ASTN2: variants seen among roughly 807,000 people sequenced by gnomAD.
The protein encoded by ASTN2 is astrotactin-2.
ASTN2 carries 54 observed loss-of-function variants against 139.8 expected under a neutral mutation model. The ratio of observed to expected loss-of-function variants is 0.39; its 90% CI spans 0.31 to 0.48. The LOEUF (loss-of-function observed/expected upper bound fraction) is 0.48. Among genes scored for constraint, ASTN2 ranks in the 20% least tolerant of loss-of-function variants. The probability of loss-of-function intolerance (pLI) is 0.95; values close to 1 mark genes in which losing one functional copy is unlikely to be tolerated. For missense variants in ASTN2, 1,565 were observed against 1,725.1 expected, an observed-to-expected ratio of 0.91 and a Z score of 1.64; for synonymous variants, 756 against 719.5, an observed-to-expected ratio of 1.05 and a Z score of -0.81.
intron 6 of ASTN2, among the ~76,000 whole-genome samples, chr9:117,014,419 A>G (rs568234140): frequency 6.6e-6 from 1 of 152,108 alleles, no homozygotes; most frequent in African/African-American, 2.4e-5. Context: ...GAGAGCAACC[A>G]CTCTGGAGGA....
At chr9:116,821,953 CAGAAGAGAAAATG>C (rs1172302784) in intron 11 of ASTN2, among the ~76,000 whole-genome samples, 1 of 152,082 alleles carries the variant, frequency 6.6e-6, no homozygotes, top group Non-Finnish European at 1.5e-5. Flanking sequence ...CTCCTGCTTT[CAGAAGAGAAAATG>C]AGGTACTGGG....
At chr9:116,573,847 C>T (rs906364323) in intron 19 of ASTN2, among the ~76,000 whole-genome samples, 2 of 152,178 alleles carry the variant, frequency 1.3e-5, no homozygotes, top group African/African-American at 4.8e-5. Context: ...TCCACTTTGC[C>T]AACTCCTGTG....
intron 19 of ASTN2, among the ~76,000 whole-genome samples, chr9:116,587,729 T>C (rs945440340): frequency 1.3e-5 from 2 of 152,276 alleles, no homozygotes; most frequent in Non-Finnish European, 2.9e-5. Context: ...TGAGCTTCTA[T>C]TGACATATCT....
At chr9:117,279,797 C>T (rs1834282409) in intron 2 of ASTN2, among the ~76,000 whole-genome samples, 1 of 152,180 alleles carries the variant, frequency 6.6e-6, no homozygotes, top group African/African-American at 2.4e-5. Context: ...AGACCTTATA[C>T]AAGTTTCACA....
chr9:117,273,105 ATG>A (rs1374550487), intron 2 of ASTN2, among the ~76,000 whole-genome samples: 2 of 152,214 alleles, frequency 1.3e-5, no homozygotes, highest in African/African-American at 2.4e-5. Flanking sequence ...ATGGCTGGGG[ATG>A]TCTCTTAATC....
intron 20 of ASTN2, among the ~76,000 whole-genome samples, chr9:116,450,164 C>T (rs1199565838): frequency 6.6e-6 from 1 of 152,194 alleles, no homozygotes; most frequent in Non-Finnish European, 1.5e-5. Context: ...TGCCTATTTT[C>T]ATAAATAAAT....
At chr9:117,388,780 T>C (rs1358886894) in intron 1 of ASTN2, among the ~76,000 whole-genome samples, 1 of 152,088 alleles carries the variant, frequency 6.6e-6, no homozygotes, top group African/African-American at 2.4e-5. Flanking sequence ...TTCTGCCTTG[T>C]CTTCCCAGCC....
intron 7 of ASTN2, among the ~76,000 whole-genome samples, chr9:117,003,980 TG>T (rs1189726939): frequency 1.4e-5 from 2 of 144,862 alleles, no homozygotes; most frequent in Non-Finnish European, 3.0e-5. Flanking sequence ...GTGTGTGTTT[TG>T]CGTGTTGGGG....
In ASTN2 at chr9:116,967,606, G is replaced by A. The variant is rs144736372; in HGVS notation, c.1889+7602C>T. The stretch of plus-strand genomic sequence containing the variant: ...GTGCACACATATGCACACATAACAC[G>A]CATGCACTCATTAATGAAAGCTTGT... On this transcript the variant is annotated intron_variant, in intron 10 of 22. Transcript: ENST00000313400. Among the ~76,000 whole-genome samples, 144 of 152,260 alleles carry A rather than the reference G, an allele frequency of 9.5e-4. 1 individual carries two copies. Among genetic ancestry groups the A allele is most frequent in the African/African-American group, 2.7e-3 (112 of 41,546 alleles).
chr9:116,545,163 A>G (rs1852039026), intron 19 of ASTN2, among the ~76,000 whole-genome samples: 1 of 152,186 alleles, frequency 6.6e-6, no homozygotes, highest in Admixed American at 6.5e-5. Flanking sequence ...GGGATGCCAG[A>G]CTTGGCATGG....
intron 2 of ASTN2, among the ~76,000 whole-genome samples, chr9:117,258,290 C>A (rs191973410): frequency 6.6e-6 from 1 of 152,118 alleles, no homozygotes; most frequent in South Asian, 2.1e-4. Context: ...AGAGTCTCTG[C>A]GGGCATTAAT....
rs1833643991 is a variant in ASTN2, at chr9:117,254,946, C to T, written c.630+36380G>A. On this transcript the variant is annotated intron_variant, in intron 2 of 22. Transcript: ENST00000313400. Reference sequence around the variant, plus strand: ...TTCAGGACTTATTAAATTGTTTCAACCCATCTTTCAAAAAGTACTGATATA... The same window carrying T: ...TTCAGGACTTATTAAATTGTTTCAATCCATCTTTCAAAAAGTACTGATATA... Among the ~76,000 whole-genome samples, 2 of 152,154 alleles carry T rather than the reference C, an allele frequency of 1.3e-5. 1 individual carries two copies. Among genetic ancestry groups the T allele is most frequent in the Admixed American group, 1.3e-4 (2 of 15,272 alleles).
intron 19 of ASTN2, chr9:116,582,875 T>A (rs7872204): frequency 0.21 from 31,791 of 152,180 alleles, 4,388 homozygotes; most frequent in African/African-American, 0.38. Flanking sequence ...CCTGTTTTCT[T>A]ATCCCTCTGA....
intron 19 of ASTN2, among the ~76,000 whole-genome samples, chr9:116,502,735 GAAT>G (rs1564323487): frequency 0.04 from 1,784 of 44,212 alleles, 102 homozygotes; most frequent in Middle Eastern, 0.1. Flanking sequence ...AGGAAGGAAT[GAAT>G]GAATGAATGA....
Position 117,186,725 on chromosome 9 carries a change from T to C in ASTN2, c.1015+27633A>G, listed in dbSNP as rs187012674. On this transcript the variant is annotated intron_variant, in intron 3 of 22. Coordinates refer to ENST00000313400, the MANE Select transcript of ASTN2 (RefSeq NM_001365068.1). Reference sequence around the variant, plus strand: ...TCACTCCTCAATTATTTATTTGCTTTCTATACAGTGCCAGGCAATGTTCTA... The same window carrying C: ...TCACTCCTCAATTATTTATTTGCTTCCTATACAGTGCCAGGCAATGTTCTA... 2.3e-3 allele frequency among the ~76,000 whole-genome samples: 349 copies of C among 152,312 alleles called. 1 individual carries two copies. The highest frequency in any genetic ancestry group is 8.2e-3 in the African/African-American group (341 of 41,570).
At chr9:116,861,744 G>A (rs1377023463) in intron 11 of ASTN2, among the ~76,000 whole-genome samples, 2 of 152,202 alleles carry the variant, frequency 1.3e-5, no homozygotes, top group Non-Finnish European at 1.5e-5. Flanking sequence ...AAATGGGCAT[G>A]AGAACCAAGT....
At chr9:116,790,637 A>G (rs1351265398) in intron 13 of ASTN2, among the ~76,000 whole-genome samples, 1 of 151,704 alleles carries the variant, frequency 6.6e-6, no homozygotes, top group Non-Finnish European at 1.5e-5. Context: ...TCTGCACAAG[A>G]ATAGGGACGT....
rs577488316 is a variant in ASTN2, at chr9:116,702,008, C to A, written c.2806+23763G>T. Among the ~76,000 whole-genome samples, 4 of 151,984 alleles carry A rather than the reference C, an allele frequency of 2.6e-5. No individual in the cohort carries two copies. In the South Asian group the frequency reaches 8.3e-4, roughly 32 times the overall value. On this transcript the variant is annotated intron_variant, in intron 16 of 22. Transcript: ENST00000313400. ...CTCTGGTTGAAGCAGGTTTGTGCCG[C>A]TGAAGAATATGCTGTTTCCTCCCTT...
chr9:116,587,040 C>T (rs942530757), intron 19 of ASTN2, among the ~76,000 whole-genome samples: 1 of 151,978 alleles, frequency 6.6e-6, no homozygotes, highest in South Asian at 2.1e-4. Context: ...CTAAAATCAA[C>T]AATTAAAAAG....
Sources: gnomAD v4.1 joint callset for allele counts (sites outside exome capture counted in the v4.1 genomes callset) on GRCh38, gnomAD v4.1.1 for gene constraint, MANE v1.5 for transcripts, NCBI Gene and HGNC (gene_info 2026-07-23, HGNC 2026-07-21) for gene names.